Variants in CTDSPL2 observed in about 807,000 individuals in gnomAD.
The protein encoded by CTDSPL2 is CTD small phosphatase-like protein 2.
CTDSPL2 carries 5 observed loss-of-function variants against 60.0 expected under a neutral mutation model. The ratio of observed to expected loss-of-function variants is 0.08; its 90% CI spans 0.04 to 0.18. CTDSPL2 has a LOEUF of 0.18. Among genes scored for constraint, CTDSPL2 ranks in the 10% least tolerant of loss-of-function variants. The pLI is 1.00. For synonymous variants in CTDSPL2, 186 were observed against 189.3 expected, an observed-to-expected ratio of 0.98 and a Z score of 0.14; for missense variants, 370 against 548.8, an observed-to-expected ratio of 0.67 and a Z score of 3.26.
intron 1 of CTDSPL2, among the ~76,000 whole-genome samples, chr15:44,437,518 CTT>C (rs950960972): frequency 6.6e-6 from 1 of 152,100 alleles, no homozygotes; most frequent in African/African-American, 2.4e-5. Context: ...GAGGAAGAAA[CTT>C]TTAGTTTTAT....
chr15:44,471,128 A>C (rs1312168683), intron 2 of CTDSPL2, among the ~76,000 whole-genome samples: 2 of 152,086 alleles, frequency 1.3e-5, no homozygotes, highest in African/African-American at 4.8e-5. Context: ...CTTCACACAC[A>C]CAACATACAT....
intron 5 of CTDSPL2, 99 bp downstream of exon 5, chr15:44,491,098 T>G: frequency 1.2e-6 from 1 of 829,356 alleles, no homozygotes; most frequent in Non-Finnish European, 1.9e-6. Flanking sequence ...TATGCATAGG[T>G]TTTTCTTCCT....
rs199765714 is a variant in CTDSPL2, at chr15:44,459,162, T to C, written c.148T>C (p.Ser50Pro). The change falls in exon 2 of 13, where the codon TCT becomes CCT. Residue 50 changes from serine to proline, a missense_variant. Transcript: ENST00000260327. ...ATCGAAGAATGAAACCGGCTTGTTG[T>C]CTTCAATTAAAAAATTTATTAAAGG... ...KPSKNETGLL[S>P]SIKKFIKGST... 2.1e-5 allele frequency: 33 copies of C among 1,608,110 alleles called. No homozygotes were observed. Among genetic ancestry groups the C allele is most frequent in the Non-Finnish European group, 2.7e-5 (32 of 1,177,990 alleles).
At chr15:44,478,430 C>T (rs1444923687) in intron 2 of CTDSPL2, among the ~76,000 whole-genome samples, 1 of 101,988 alleles carries the variant, frequency 9.8e-6, no homozygotes, top group East Asian at 3.3e-4. Flanking sequence ...TCAGCCTGGG[C>T]AAGAAGAGCA....
chr15:44,434,954 T>C (rs1026891071), intron 1 of CTDSPL2, among the ~76,000 whole-genome samples: 7 of 152,106 alleles, frequency 4.6e-5, no homozygotes, highest in Non-Finnish European at 1.0e-4. Flanking sequence ...ACACACTTTG[T>C]TGTGAATAGG....
chr15:44,521,963 A>AC (rs2081784670), intron 12 of CTDSPL2, among the ~76,000 whole-genome samples: 1 of 144,266 alleles, frequency 6.9e-6, no homozygotes, highest in Non-Finnish European at 1.5e-5. Flanking sequence ...AAAAAAAAAA[A>AC]CATGATGATG....
At chr15:44,441,974 T>G (rs757608187) in intron 1 of CTDSPL2, among the ~76,000 whole-genome samples, 2 of 152,134 alleles carry the variant, frequency 1.3e-5, no homozygotes, top group African/African-American at 4.8e-5. Flanking sequence ...TTAGATCGAT[T>G]GATAGTGGAA....
chr15:44,448,101 C>T (rs2080255452), intron 1 of CTDSPL2: 4 of 250,372 alleles, frequency 1.6e-5, no homozygotes, highest in South Asian at 9.0e-5. Flanking sequence ...TCATGTGCTC[C>T]AGGCCAGCCC....
intron 1 of CTDSPL2, among the ~76,000 whole-genome samples, chr15:44,446,887 T>C (rs1403903638): frequency 6.6e-6 from 1 of 151,370 alleles, no homozygotes; most frequent in African/African-American, 2.4e-5. Context: ...CCCAAGTTGC[T>C]GGAATTACAG....
chr15:44,494,886 A>G (rs995343137), intron 5 of CTDSPL2, among the ~76,000 whole-genome samples: 1 of 152,216 alleles, frequency 6.6e-6, no homozygotes, highest in Non-Finnish European at 1.5e-5. Flanking sequence ...ACTGCACTCC[A>G]GCCTGGGCAA....
chr15:44,482,391 A>AT (rs1490571557), intron 2 of CTDSPL2, among the ~76,000 whole-genome samples: 5 of 151,992 alleles, frequency 3.3e-5, no homozygotes, highest in Admixed American at 2.0e-4. Flanking sequence ...TTCTGGACCC[A>AT]TTTTTTCCAT....
At chr15:44,512,021 C>T (rs1265103301) in intron 8 of CTDSPL2, among the ~76,000 whole-genome samples, 3 of 151,588 alleles carry the variant, frequency 2.0e-5, no homozygotes, top group Non-Finnish European at 4.4e-5. Flanking sequence ...ATAGTGAGAG[C>T]CCATCTCTAC....
intron 12 of CTDSPL2, among the ~76,000 whole-genome samples, chr15:44,523,110 C>A (rs1439110689): frequency 6.6e-6 from 1 of 152,110 alleles, no homozygotes; most frequent in Non-Finnish European, 1.5e-5. Flanking sequence ...GATTCTCGTG[C>A]CTCAGTCTTC....
At chr15:44,432,630 AT>A (rs1055006217) in intron 1 of CTDSPL2, among the ~76,000 whole-genome samples, 1 of 139,384 alleles carries the variant, frequency 7.2e-6, no homozygotes, top group African/African-American at 2.7e-5. Flanking sequence ...TATTATTATT[AT>A]TTTTTTGAAA....
chr15:44,491,872 C>T (rs1035002261), intron 5 of CTDSPL2, among the ~76,000 whole-genome samples: 1 of 152,054 alleles, frequency 6.6e-6, no homozygotes, highest in Non-Finnish European at 1.5e-5. Flanking sequence ...AAGAGCCAGA[C>T]CCTGTCTGGG....
chr15:44,455,875 G>C (rs1333868659), intron 1 of CTDSPL2, among the ~76,000 whole-genome samples: 1 of 125,366 alleles, frequency 8.0e-6, no homozygotes, highest in Admixed American at 8.8e-5. Flanking sequence ...TTTTTGAGAC[G>C]GAGTCTCGCT....
Position 44,459,214 on chromosome 15 carries a change from C to T in CTDSPL2, c.186+14C>T, listed in dbSNP as rs1302108672. On this transcript the variant is annotated intron_variant, in intron 2 of 12. Transcript: ENST00000260327. ...AGCACACCTAAGGTAATGATTTTAC[C>T]ATATACTTTCATATCATTAAAAGTG... The T allele has an allele frequency of 6.4e-7, 1 of 1,558,070 alleles. No individual in the cohort carries two copies. Among genetic ancestry groups the T allele is most frequent in the African/African-American group, 1.4e-5 (1 of 72,002 alleles).
chr15:44,512,090 G>GCTAT (rs2081577305), intron 8 of CTDSPL2, among the ~76,000 whole-genome samples: 1 of 151,822 alleles, frequency 6.6e-6, no homozygotes, highest in Non-Finnish European at 1.5e-5. Flanking sequence ...CCAGCTATGT[G>GCTAT]GAAGGCTAAG....
chr15:44,441,208 C>T (rs1185692094), intron 1 of CTDSPL2, among the ~76,000 whole-genome samples: 1 of 152,110 alleles, frequency 6.6e-6, no homozygotes, highest in Non-Finnish European at 1.5e-5. Flanking sequence ...GTTTCCTTCC[C>T]CTACAGTGGT....
Sources: gnomAD v4.1 joint callset for allele counts (sites outside exome capture counted in the v4.1 genomes callset) on GRCh38, gnomAD v4.1.1 for gene constraint, MANE v1.5 for transcripts, NCBI Gene and HGNC (gene_info 2026-07-23, HGNC 2026-07-21) for gene names.